The following MSRA variants were observed in gnomAD, a reference collection of about 807,000 sequenced individuals.
The protein encoded by MSRA is mitochondrial peptide methionine sulfoxide reductase.
Under a neutral mutation model 31.3 loss-of-function variants are expected in MSRA, and 54 were observed. The observed-to-expected ratio is 1.73, with a 90% CI of 1.39 to 2.17. The LOEUF (loss-of-function observed/expected upper bound fraction) is 2.17. Ranked by LOEUF, MSRA falls within the 30% of genes most tolerant of loss-of-function variation. The pLI is 0.00. For missense variants in MSRA, 507 were observed against 300.9 expected, an observed-to-expected ratio of 1.69 and a Z score of -5.07; for synonymous variants, 169 against 116.5, an observed-to-expected ratio of 1.45 and a Z score of -2.90.
chr8:10,317,347 A>G (rs1026035866), intron 4 of MSRA, among the ~76,000 whole-genome samples: 4 of 152,232 alleles, frequency 2.6e-5, no homozygotes, highest in African/African-American at 9.6e-5. Context: ...TGGTACCCAA[A>G]GATGAGCTGA....
intron 5 of MSRA, chr8:10,337,412 C>T: frequency 3.2e-6 from 1 of 310,210 alleles, no homozygotes; most frequent in Non-Finnish European, 6.0e-6. Context: ...ATCTCCTGAC[C>T]TCGTGATCCA....
At chr8:10,304,367 T>A (rs17151658) in intron 4 of MSRA, among the ~76,000 whole-genome samples, 23,350 of 152,210 alleles carry the variant, frequency 0.15, 1,999 homozygotes, top group African/African-American at 0.22. Context: ...CAAGTGAGCA[T>A]ACAGATAAAT....
intron 2 of MSRA, among the ~76,000 whole-genome samples, chr8:10,218,625 C>T (rs1810217938): frequency 6.6e-6 from 1 of 152,190 alleles, no homozygotes; most frequent in Non-Finnish European, 1.5e-5. Context: ...ATCCAGTTTG[C>T]TGAAGAAAGC....
chr8:10,169,883 CT>C (rs528818286), intron 1 of MSRA, among the ~76,000 whole-genome samples: 17 of 147,488 alleles, frequency 1.2e-4, no homozygotes, highest in African/African-American at 4.2e-4. Flanking sequence ...GTTCTTGTAA[CT>C]TTTTTGCCCA....
chr8:10,274,946 G>A (rs1041148585), intron 3 of MSRA, among the ~76,000 whole-genome samples: 1 of 152,130 alleles, frequency 6.6e-6, no homozygotes, highest in African/African-American at 2.4e-5. Context: ...ACTCAGTAAA[G>A]TTATTTCACT....
intron 2 of MSRA, among the ~76,000 whole-genome samples, chr8:10,213,107 G>A (rs903566254): frequency 2.3e-4 from 35 of 152,048 alleles, no homozygotes; most frequent in African/African-American, 8.2e-4. Context: ...TCACCCTGTT[G>A]TACTATCAAA....
chr8:10,399,988 G>T (rs1310553106), intron 5 of MSRA, among the ~76,000 whole-genome samples: 1 of 152,164 alleles, frequency 6.6e-6, no homozygotes, highest in Non-Finnish European at 1.5e-5. Flanking sequence ...CTGACAAGGG[G>T]CAGGTAATGT....
intron 5 of MSRA, among the ~76,000 whole-genome samples, chr8:10,404,950 A>G (rs1807709445): frequency 6.6e-6 from 1 of 152,200 alleles, no homozygotes; most frequent in Non-Finnish European, 1.5e-5. Flanking sequence ...TGGCCTGGAC[A>G]GAACCCACGA....
chr8:10,094,399 C>T (rs771392240), intron 1 of MSRA, among the ~76,000 whole-genome samples: 1 of 152,164 alleles, frequency 6.6e-6, no homozygotes, highest in East Asian at 1.9e-4. Flanking sequence ...GTGAAGATGA[C>T]ACATTTGATT....
intron 2 of MSRA, among the ~76,000 whole-genome samples, chr8:10,222,424 G>A (rs141110726): frequency 2.7e-5 from 4 of 150,326 alleles, no homozygotes; most frequent in Middle Eastern, 3.4e-3. Flanking sequence ...AATTGGTACA[G>A]CCATTATGGA....
chr8:10,149,862 C>T lies in MSRA; in HGVS notation c.143-57971C>T, dbSNP rs1464745267. On this transcript the variant is annotated intron_variant, in intron 1 of 5. Transcript: ENST00000317173. Reference sequence around the variant, plus strand: ...TATTTGTGCTGTAGGGCACAGCGCTCTGAGCTCCCGGAGAGCAGATTTTAT... The same window carrying T: ...TATTTGTGCTGTAGGGCACAGCGCTTTGAGCTCCCGGAGAGCAGATTTTAT... Among the ~76,000 whole-genome samples the T allele has an allele frequency of 6.4e-4, 2 of 3,136 alleles. 1 individual carries two copies. Among genetic ancestry groups the T allele is most frequent in the African/African-American group, 9.3e-4 (2 of 2,144 alleles). The allele number at this position is 3,136 out of a possible 152,430, so 2.1% of individuals were successfully genotyped here.
intron 1 of MSRA, among the ~76,000 whole-genome samples, chr8:10,119,100 A>T (rs1176165629): frequency 6.6e-6 from 1 of 152,176 alleles, no homozygotes; most frequent in African/African-American, 2.4e-5. Flanking sequence ...CCTTCTGTAT[A>T]TCTGCATAGA....
chr8:10,301,443 G>C, intron 3 of MSRA, 91 bp from the exon 4 acceptor site: 1 of 941,848 alleles, frequency 1.1e-6, no homozygotes, highest in Non-Finnish European at 1.7e-6. Context: ...TAGAGTTTCA[G>C]CTTTTGTCTG....
At chr8:10,316,547 TC>T (rs1236116839) in intron 4 of MSRA, among the ~76,000 whole-genome samples, 1 of 107,740 alleles carries the variant, frequency 9.3e-6, no homozygotes, top group East Asian at 2.0e-4. Context: ...TCTCTCTCTC[TC>T]TCTCTCTCTC....
intron 5 of MSRA, among the ~76,000 whole-genome samples, chr8:10,396,031 C>G (rs1585675425): frequency 1.3e-5 from 2 of 152,300 alleles, no homozygotes; most frequent in South Asian, 4.1e-4. Context: ...TTGCCCATCT[C>G]TAAGGCAGCT....
At chr8:10,365,184 A>C (rs1730923531) in intron 5 of MSRA, among the ~76,000 whole-genome samples, 1 of 150,774 alleles carries the variant, frequency 6.6e-6, no homozygotes, top group Admixed American at 6.6e-5. Context: ...GGAAGAAGCA[A>C]ACTTTCAGCT....
At chr8:10,162,747 T>A (rs1033569009) in intron 1 of MSRA, among the ~76,000 whole-genome samples, 22 of 152,274 alleles carry the variant, frequency 1.4e-4, no homozygotes, top group Non-Finnish European at 2.8e-4. Flanking sequence ...TGCTTATGAT[T>A]CCCTAAGAGG....
chr8:10,322,654 G>C (rs557958168), intron 5 of MSRA, among the ~76,000 whole-genome samples: 1 of 152,264 alleles, frequency 6.6e-6, no homozygotes, highest in South Asian at 2.1e-4. Flanking sequence ...CTGCTAACTG[G>C]GCTAATGCTT....
intron 1 of MSRA, among the ~76,000 whole-genome samples, chr8:10,081,910 T>C (rs565296156): frequency 2.6e-5 from 4 of 152,294 alleles, no homozygotes; most frequent in Admixed American, 6.5e-5. Context: ...TCATTTTCTA[T>C]CAAAACCTCA....
Sources: gnomAD v4.1 joint callset for allele counts (sites outside exome capture counted in the v4.1 genomes callset) on GRCh38, gnomAD v4.1.1 for gene constraint, MANE v1.5 for transcripts, NCBI Gene and HGNC (gene_info 2026-07-23, HGNC 2026-07-21) for gene names.